The following POLQ variants were observed in gnomAD, a reference collection of about 807,000 sequenced individuals.
POLQ encodes the protein epididymis secretory sperm binding protein.
In POLQ, 233 loss-of-function variants were observed where a neutral mutation model predicts 259.2. The ratio of observed to expected loss-of-function variants is 0.90; its 90% CI spans 0.81 to 1.00. POLQ has a LOEUF of 1.00. Ranked by LOEUF, POLQ falls within the 50% of genes least tolerant of loss-of-function variation. The probability of loss-of-function intolerance (pLI) is 0.00; values close to 1 mark genes in which losing one functional copy is unlikely to be tolerated. For synonymous variants in POLQ, 1,025 were observed against 1,048.8 expected (o/e 0.98, Z 0.44); for missense variants, 2,871 against 3,051.6 (o/e 0.94, Z 1.39).
At chr3:121,465,005 C>G (rs1409407200) in intron 24 of POLQ, among the ~76,000 whole-genome samples, 2 of 151,998 alleles carry the variant, frequency 1.3e-5, no homozygotes, top group East Asian at 3.8e-4. Flanking sequence ...AAAAGATGAA[C>G]CAGCTTTGTC....
At chr3:121,542,629 A>G (rs1256773492) in intron 2 of POLQ, among the ~76,000 whole-genome samples, 7 of 152,152 alleles carry the variant, frequency 4.6e-5, no homozygotes, top group African/African-American at 1.7e-4. Flanking sequence ...AGTGTGACTG[A>G]TGAGTTTTAT....
At position 121,467,601 on chromosome 3, in the gene POLQ, G is replaced by T. The variant is rs1050192259; in HGVS notation, c.6885C>A (p.Cys2295Ter). The T allele has an allele frequency of 1.9e-6, 3 of 1,613,456 alleles. No individual in the cohort carries two copies. The African/African-American group carries it at 4.0e-5, about 22-fold the overall frequency. ...CAGCTCTCTCCTCCATCTGTGCCTGGCATCTAGGATTCACGCTGAAACCCT... is the reference window on the plus strand; with the variant it reads ...CAGCTCTCTCCTCCATCTGTGCCTGTCATCTAGGATTCACGCTGAAACCCT... ...YKKGFSVNPR[C>*]QAQMEERAAD... The change falls in exon 24 of 30, where the codon TGC becomes TGA. Residue 2295 changes from cysteine to a stop codon, truncating the protein, a stop_gained. Transcript: ENST00000264233. LOFTEE classifies it high-confidence loss of function.
In POLQ at chr3:121,432,240, T is replaced by G; in HGVS notation, c.*64A>C. 1.4e-6 allele frequency: 2 copies of G among 1,467,598 alleles called. No individual in the cohort carries two copies. The highest frequency in any genetic ancestry group is 1.8e-6 in the Non-Finnish European group (2 of 1,094,642). 90.9% of individuals were successfully genotyped at this position (1,467,598 alleles called of 1,614,324 possible). On this transcript the variant is annotated 3_prime_UTR_variant, in exon 30 of 30. Coordinates refer to ENST00000264233, the MANE Select transcript of POLQ (RefSeq NM_199420.4). Reference sequence around the variant, plus strand: ...TGCTGAGGTAGGTGAAAGGGTAATCTCTGTTCTTTCCAGGTGACTGCATCT... The same window carrying G: ...TGCTGAGGTAGGTGAAAGGGTAATCGCTGTTCTTTCCAGGTGACTGCATCT...
At chr3:121,437,520 A>G (rs1003141209) in intron 27 of POLQ, among the ~76,000 whole-genome samples, 1 of 152,254 alleles carries the variant, frequency 6.6e-6, no homozygotes, top group Non-Finnish European at 1.5e-5. Context: ...CCACCAGAAT[A>G]GCTAAAATTA....
At chr3:121,476,459 C>T (rs1576410281) in intron 20 of POLQ, 81 bp downstream of exon 20, 3 of 117,852 alleles carry the variant, frequency 2.5e-5, no homozygotes, top group African/African-American at 1.8e-4. Context: ...GGTAAATACA[C>T]ACACACACAC....
chr3:121,528,821 G>A (rs930675947), intron 7 of POLQ, among the ~76,000 whole-genome samples: 3 of 152,008 alleles, frequency 2.0e-5, no homozygotes, highest in Non-Finnish European at 4.4e-5. Flanking sequence ...GCATGATGGC[G>A]GGTGCTTGTA....
chr3:121,522,180 C>T lies in POLQ; in HGVS notation c.1109-31G>A, dbSNP rs779047084. 10 of 1,538,560 alleles carry T rather than the reference C, an allele frequency of 6.5e-6. No homozygotes were observed. The Admixed American group carries it at 1.6e-4, about 24-fold the overall frequency. ...ACAAAAAAATTATCAACACCATTTG[C>T]TTCTAACTCAGCTTCTTTAAGTGTA... is the stretch of plus-strand genomic sequence containing the variant. On this transcript the variant is annotated intron_variant, in intron 7 of 29. Coordinates refer to ENST00000264233, the MANE Select transcript of POLQ (RefSeq NM_199420.4).
intron 22 of POLQ, among the ~76,000 whole-genome samples, chr3:121,470,237 G>A (rs551844924): frequency 2.6e-5 from 4 of 152,222 alleles, no homozygotes; most frequent in East Asian, 1.9e-4. Context: ...CCAGTCTGGC[G>A]ACAGAGCGAG....
chr3:121,449,537 A>G (rs1576400225), intron 25 of POLQ, 111 bp from the exon 26 acceptor site: 3 of 706,692 alleles, frequency 4.2e-6, no homozygotes, highest in East Asian at 2.5e-5. Context: ...TGAGTGAAAC[A>G]ATGATTAGAT....
Position 121,488,531 on chromosome 3 carries a change from G to A in POLQ, c.4400C>T (p.Thr1467Ile), listed in dbSNP as rs1431253036. The A allele has an allele frequency of 6.2e-7, 1 of 1,611,066 alleles. No homozygotes were observed. The highest frequency in any genetic ancestry group is 8.5e-7 in the Non-Finnish European group (1 of 1,179,024). ...PVILLIPQKR[T>I]PTGVEGECLP... ...ACATTCTCCTTCTACACCAGTGGGA[G>A]TTCTCTTTTGAGGAATCAGAAGTAT... is the stretch of plus-strand genomic sequence containing the variant. The change falls in exon 16 of 30, where the codon ACT becomes ATT. Residue 1467 changes from threonine (T) to isoleucine (I), a missense_variant. Physicochemically the swap from Thr to Ile is moderately conservative, Grantham distance 89. Transcript: ENST00000264233.
At chr3:121,458,470 A>C (rs1310261409) in intron 25 of POLQ, among the ~76,000 whole-genome samples, 2 of 152,126 alleles carry the variant, frequency 1.3e-5, no homozygotes, top group Non-Finnish European at 2.9e-5. Flanking sequence ...TTCTTGGTCT[A>C]CCACTTATAG....
In POLQ at chr3:121,544,814, T is replaced by G. The variant is rs555677548; in HGVS notation, c.256A>C (p.Ser86Arg). 1.2e-5 allele frequency: 19 copies of G among 1,612,798 alleles called. No homozygotes were observed. The African/African-American group carries it at 2.1e-4, about 18-fold the overall frequency. Residue 86 changes from serine (S) to arginine (R), a missense_variant, in exon 2 of 30, where the codon AGT becomes CGT. This residue lies in a region of POLQ where 783 missense variants were observed against 906.2 expected (regional missense o/e 0.86). Coordinates refer to ENST00000264233, the MANE Select transcript of POLQ (RefSeq NM_199420.4). ...TCAAACATCTTTTTTACACCAAAAC[T>G]GTGGTATTTTTCCAGAACTGCTTTA... ...LPKAVLEKYH[S>R]FGVKKMFEWQ... is the part of the protein sequence containing the mutation.
chr3:121,494,347 T>C, intron 14 of POLQ: 1 of 1,597,754 alleles, frequency 6.3e-7, no homozygotes. Context: ...CTCCTGCGAT[T>C]AACCAGTTCA....
At chr3:121,538,170 T>C (rs2048463556) in intron 4 of POLQ, among the ~76,000 whole-genome samples, 1 of 152,054 alleles carries the variant, frequency 6.6e-6, no homozygotes, top group African/African-American at 2.4e-5. Context: ...GAAAGTAGCT[T>C]AGAAAAAACA....
At chr3:121,436,483 G>A (rs942588088) in intron 27 of POLQ, among the ~76,000 whole-genome samples, 2 of 152,120 alleles carry the variant, frequency 1.3e-5, no homozygotes, top group Non-Finnish European at 2.9e-5. Flanking sequence ...CCACATTAGG[G>A]CAGACAAAAA....
chr3:121,505,667 A>G (rs2048203130), intron 12 of POLQ, among the ~76,000 whole-genome samples: 1 of 152,122 alleles, frequency 6.6e-6, no homozygotes, highest in African/African-American at 2.4e-5. Flanking sequence ...AAAAAACATG[A>G]AACTGAAGAA....
intron 20 of POLQ, among the ~76,000 whole-genome samples, 182 bp from the exon 21 acceptor site, chr3:121,473,669 G>C (rs890756536): frequency 6.6e-6 from 1 of 151,252 alleles, no homozygotes; most frequent in Non-Finnish European, 1.5e-5. Context: ...TTATATGTCA[G>C]GTAGTCTATC....
At chr3:121,487,108 T>C (rs890302985) in intron 16 of POLQ, among the ~76,000 whole-genome samples, 194 bp downstream of exon 16, 5 of 152,142 alleles carry the variant, frequency 3.3e-5, no homozygotes, top group East Asian at 3.8e-4. Context: ...CCTCTTATAC[T>C]GGAGGGCAAC....
intron 25 of POLQ, among the ~76,000 whole-genome samples, chr3:121,450,653 G>T (rs1056087775): frequency 1.3e-5 from 2 of 152,126 alleles, no homozygotes; most frequent in Non-Finnish European, 2.9e-5. Context: ...TCTGCAGAGA[G>T]AACTGGTGTT....
Sources: allele counts gnomAD v4.1 joint callset (sites outside exome capture counted in the v4.1 genomes callset), GRCh38; gene constraint gnomAD v4.1.1; regional missense constraint gnomAD v4.1.1; transcripts MANE v1.5; gene names NCBI Gene and HGNC (gene_info 2026-07-23, HGNC 2026-07-21).